TICRR: variants seen among roughly 807,000 people sequenced by gnomAD.
The protein encoded by TICRR is TOPBP1 interacting checkpoint and replication regulator.
A neutral mutation model predicts 178.1 loss-of-function variants in TICRR; 132 were observed. The observed-to-expected ratio is 0.74, with a 90% CI of 0.64 to 0.86. TICRR has a LOEUF of 0.86. Ranked by LOEUF, TICRR falls within the 40% of genes least tolerant of loss-of-function variation. The pLI is 0.00. For synonymous variants in TICRR, 991 were observed against 900.7 expected, an observed-to-expected ratio of 1.10 and a Z score of -1.79; for missense variants, 2,587 against 2,334.3, an observed-to-expected ratio of 1.11 and a Z score of -2.23.
At chr15:89,600,452 C>T (rs78431527) in intron 8 of TICRR, 133 bp from the exon 9 acceptor site, 5,206 of 460,936 alleles carry the variant, frequency 0.011, 219 homozygotes, top group African/African-American at 0.095. Context: ...AGAATATTCA[C>T]GTCACTTTTT....
At position 89,599,481 on chromosome 15, in the gene TICRR, A is replaced by C; in HGVS notation, c.2052+6A>C. The C allele has an allele frequency of 2.5e-6, 4 of 1,610,752 alleles. No individual in the cohort carries two copies. The highest frequency in any genetic ancestry group is 3.4e-6 in the Non-Finnish European group (4 of 1,179,094). On this transcript the variant is annotated splice_donor_region_variant and intron_variant, in intron 8 of 21. Transcript: ENST00000268138. Reference sequence around the variant, plus strand: ...AAGGCACCAAGGAATTAGAAGTAAGAGGGTCCAGATATTGTTGTTTGTCAT... The same window carrying C: ...AAGGCACCAAGGAATTAGAAGTAAGCGGGTCCAGATATTGTTGTTTGTCAT...
intron 15 of TICRR, among the ~76,000 whole-genome samples, chr15:89,615,842 T>C (rs142648589): frequency 2.8e-4 from 42 of 152,258 alleles, no homozygotes; most frequent in Admixed American, 1.6e-3. Context: ...TGAGCAATTT[T>C]CATTTTTTCA....
chr15:89,591,233 C>T (rs143173681), intron 4 of TICRR, among the ~76,000 whole-genome samples: 174 of 152,306 alleles, frequency 1.1e-3, no homozygotes, highest in Non-Finnish European at 1.8e-3. Flanking sequence ...TCAAGCTTCT[C>T]CTGCCTGAAC....
At chr15:89,588,092 G>C (rs77087588) in intron 4 of TICRR, among the ~76,000 whole-genome samples, 1 of 152,200 alleles carries the variant, frequency 6.6e-6, no homozygotes, top group Non-Finnish European at 1.5e-5. Flanking sequence ...GCCAAGGTGA[G>C]TGATGTTGGT....
At chr15:89,615,943 G>A (rs996131923) in intron 15 of TICRR, among the ~76,000 whole-genome samples, 7 of 150,908 alleles carry the variant, frequency 4.6e-5, no homozygotes, top group Admixed American at 1.3e-4. Context: ...GGAGTGCAGC[G>A]GCATGATTTT....
At chr15:89,608,468 C>T (rs1567047628) in intron 14 of TICRR, among the ~76,000 whole-genome samples, 1 of 152,220 alleles carries the variant, frequency 6.6e-6, no homozygotes, top group Non-Finnish European at 1.5e-5. Context: ...TTATGGTCAA[C>T]TGATATTCAG....
chr15:89,606,732 A>G, intron 13 of TICRR, 36 bp from the exon 14 acceptor site: 1 of 1,578,190 alleles, frequency 6.3e-7, no homozygotes. Flanking sequence ...ATGAATGCCT[A>G]TTTAAATTTT....
In TICRR at chr15:89,624,415, A is replaced by C. The variant is rs1299449279; in HGVS notation, c.4105A>C (p.Thr1369Pro). Reference sequence around the variant, plus strand: ...TCCCCCTGAACTCTCACAGAGAGCTACATTGGACACCGTCCCTCCTCCACC... The same window carrying C: ...TCCCCCTGAACTCTCACAGAGAGCTCCATTGGACACCGTCCCTCCTCCACC... ...STPPELSQRA[T>P]LDTVPPPPPS... is the part of the protein sequence containing the mutation. Residue 1369 changes from threonine (T) to proline (P), a missense_variant, in exon 20 of 22, where the codon ACA becomes CCA. Physicochemically the swap from Thr to Pro is conservative, Grantham distance 38. Coordinates refer to ENST00000268138, the MANE Select transcript of TICRR (RefSeq NM_152259.4). 1 of 1,614,206 alleles carries C rather than the reference A, an allele frequency of 6.2e-7. No individual in the cohort carries two copies. The highest frequency in any genetic ancestry group is 8.5e-7 in the Non-Finnish European group (1 of 1,180,030).
intron 1 of TICRR, chr15:89,579,983 C>T (rs7180722): frequency 0.48 from 72,322 of 152,098 alleles, 18,450 homozygotes; most frequent in Non-Finnish European, 0.58. Flanking sequence ...TTAATAGAAA[C>T]TTAAGGTCCT....
chr15:89,598,689 A>ACTT, intron 7 of TICRR, among the ~76,000 whole-genome samples: 3 of 151,996 alleles, frequency 2.0e-5, no homozygotes, highest in Non-Finnish European at 4.4e-5. Flanking sequence ...TTTAACACTT[A>ACTT]AACTTGGTAT....
rs959595732 is a variant in TICRR, at chr15:89,575,959, A to C, written c.373A>C (p.Ile125Leu). 5 of 1,602,832 alleles carry C rather than the reference A, an allele frequency of 3.1e-6. No individual in the cohort carries two copies. The African/African-American group carries it at 6.7e-5, about 22-fold the overall frequency. ...CGAGATCACGTCGCCCACGAAGCCG[A>C]TCCTGCGGAGCAGCGGGAGGAGACT... is the stretch of plus-strand genomic sequence containing the variant. ...RPEITSPTKP[I>L]LRSSGRRLLD... The change falls in exon 1 of 22, where the codon ATC (isoleucine) becomes CTC (leucine). Residue 125 changes from isoleucine to leucine, a missense_variant. Transcript: ENST00000268138.
At chr15:89,577,168 AG>A (rs1219322892) in intron 1 of TICRR, among the ~76,000 whole-genome samples, 1 of 152,104 alleles carries the variant, frequency 6.6e-6, no homozygotes, top group East Asian at 1.9e-4. Flanking sequence ...CCAGGATTAT[AG>A]GTGTGAGCCA....
intron 8 of TICRR, 140 bp downstream of exon 8, chr15:89,599,615 T>C (rs1263452469): frequency 1.7e-5 from 14 of 801,230 alleles, no homozygotes; most frequent in Non-Finnish European, 2.5e-5. Context: ...AGGGAGTAAG[T>C]ACAGTTCCAG....
chr15:89,597,019 C>G (rs1369852701), intron 7 of TICRR, among the ~76,000 whole-genome samples: 1 of 152,042 alleles, frequency 6.6e-6, no homozygotes, highest in Admixed American at 6.5e-5. Flanking sequence ...AAGATTGATT[C>G]TTTAATATTT....
intron 8 of TICRR, 70 bp from the exon 9 acceptor site, chr15:89,600,515 C>A (rs1963075546): frequency 1.5e-6 from 1 of 660,254 alleles, no homozygotes; most frequent in Non-Finnish European, 2.5e-6. Flanking sequence ...TCCCTTTAGT[C>A]AACTGTGAAA....
Position 89,624,456 on chromosome 15 carries a change from G to T in TICRR, c.4146G>T (p.Gly1382=). Residue 1382 remains glycine, a synonymous_variant, in exon 20 of 22, where the codon GGG becomes GGT. Coordinates refer to ENST00000268138, the MANE Select transcript of TICRR (RefSeq NM_152259.4). ...CTCCTCCACCCCCTTCTAAAGTTGG[G>T]AAACGGTGTAGAAAGACCTCTGATC... ...TVPPPPPSKV[G]KRCRKTSDPR... 1 of 1,614,154 alleles carries T rather than the reference G, an allele frequency of 6.2e-7. No individual in the cohort carries two copies. Among genetic ancestry groups the T allele is most frequent in the Non-Finnish European group, 8.5e-7 (1 of 1,180,044 alleles).
Position 89,618,191 on chromosome 15 carries a change from G to C in TICRR, c.3000G>C (p.Glu1000Asp). 6.2e-7 allele frequency: 1 copy of C among 1,614,144 alleles called. No homozygotes were observed. Among genetic ancestry groups the C allele is most frequent in the East Asian group, 2.2e-5 (1 of 44,874 alleles). The change falls in exon 17 of 22, where the codon GAG becomes GAC. Residue 1000 changes from glutamate to aspartate, a missense_variant. Physicochemically the swap from Glu to Asp is conservative, Grantham distance 45. Coordinates refer to ENST00000268138, the MANE Select transcript of TICRR (RefSeq NM_152259.4). ...GTCCTGATATTGGTGTTGTTGAAGA[G>C]TCCCCTGAAAAAGGAGATGGTGAGT... ...DPGPDIGVVE[E>D]SPEKGDEISL...
intron 21 of TICRR, among the ~76,000 whole-genome samples, chr15:89,626,451 G>A (rs1963528595): frequency 6.6e-6 from 1 of 152,188 alleles, no homozygotes; most frequent in African/African-American, 2.4e-5. Flanking sequence ...GTGGGACACA[G>A]TACTGACTGT....
At chr15:89,616,639 C>G (rs772696020) in intron 16 of TICRR, 144 bp downstream of exon 16, 12 of 630,366 alleles carry the variant, frequency 1.9e-5, no homozygotes, top group Non-Finnish European at 3.3e-5. Flanking sequence ...TATAAGCTCT[C>G]CATGGGAGCA....
Sources: allele counts gnomAD v4.1 joint callset (sites outside exome capture counted in the v4.1 genomes callset), GRCh38; gene constraint gnomAD v4.1.1; transcripts MANE v1.5; gene names NCBI Gene and HGNC (gene_info 2026-07-23, HGNC 2026-07-21).